The following ZNF106 variants were observed in gnomAD, a reference collection of about 807,000 sequenced individuals.
The protein encoded by ZNF106 is SH3-domain binding protein 3.
ZNF106 carries 67 observed loss-of-function variants against 195.1 expected under a neutral mutation model. The observed-to-expected ratio is 0.34, with a 90% confidence interval of 0.28 to 0.42. ZNF106 has a LOEUF of 0.42. Ranked by LOEUF, ZNF106 falls within the 10% of genes least tolerant of loss-of-function variation. The probability of loss-of-function intolerance (pLI) is 1.00; values close to 1 mark genes in which losing one functional copy is unlikely to be tolerated. For missense variants in ZNF106, 2,118 were observed against 2,304.5 expected (o/e 0.92, Z 1.66); for synonymous variants, 784 against 818.6 (o/e 0.96, Z 0.72).
intron 15 of ZNF106, among the ~76,000 whole-genome samples, chr15:42,427,357 G>T (rs1230584514): frequency 6.6e-6 from 1 of 152,108 alleles, no homozygotes; most frequent in Admixed American, 6.6e-5. Context: ...AGCACACAGG[G>T]CCATCAAAAA....
chr15:42,450,170 T>G lies in ZNF106; in HGVS notation c.2102A>C (p.Gln701Pro), dbSNP rs769904250. The change falls in exon 5 of 22, where the codon CAG becomes CCG. Residue 701 changes from glutamine to proline, a missense_variant. Physicochemically the swap from Gln to Pro is moderately conservative, Grantham distance 76. Transcript: ENST00000564754. ...ATGAGATTTAATAGAGTCATCAACC[T>G]GTGCATCTTCTAGAGAGGTTTTCAA... ...LDLKTSLEDA[Q>P]VDDSIKSHVS... is the part of the protein sequence containing the mutation. The G allele has an allele frequency of 6.2e-7, 1 of 1,614,084 alleles. No individual in the cohort carries two copies. Among genetic ancestry groups the G allele is most frequent in the African/African-American group, 1.3e-5 (1 of 74,934 alleles).
intron 4 of ZNF106, among the ~76,000 whole-genome samples, chr15:42,453,102 G>C (rs2056107130): frequency 1.3e-5 from 2 of 152,078 alleles, no homozygotes; most frequent in South Asian, 4.1e-4. Flanking sequence ...TTTTAAATAA[G>C]ATGATACTTT....
chr15:42,460,737 G>A (rs1356490505), intron 3 of ZNF106, among the ~76,000 whole-genome samples: 1 of 152,060 alleles, frequency 6.6e-6, no homozygotes, highest in African/African-American at 2.4e-5. Context: ...GCGCATGCCT[G>A]TAATCCCAAC....
chr15:42,431,976 G>A (rs2141290016), intron 14 of ZNF106, among the ~76,000 whole-genome samples: 1 of 152,284 alleles, frequency 6.6e-6, no homozygotes, highest in East Asian at 1.9e-4. Context: ...CAATTATTGA[G>A]AAAGGGTTGT....
In ZNF106 at chr15:42,442,422, G is replaced by C; in HGVS notation, c.3422-8C>G. Reference sequence around the variant, plus strand: ...CAGAAGGTTCATATGTTTCTAGAATGGGAAACATACATACATAGAAATGCA... The same window carrying C: ...CAGAAGGTTCATATGTTTCTAGAATCGGAAACATACATACATAGAAATGCA... On this transcript the variant is annotated splice_polypyrimidine_tract_variant and splice_region_variant and intron_variant, in intron 9 of 21. Transcript: ENST00000564754. The C allele has an allele frequency of 6.3e-7, 1 of 1,596,030 alleles. No individual in the cohort carries two copies.
At position 42,451,504 on chromosome 15, in the gene ZNF106, A is replaced by G; in HGVS notation, c.768T>C (p.Asn256=). 1.2e-6 allele frequency: 2 copies of G among 1,614,214 alleles called. No individual in the cohort carries two copies. Among genetic ancestry groups the G allele is most frequent in the Non-Finnish European group, 1.7e-6 (2 of 1,180,036 alleles). ...CTCCAGGGCCACTGTAATTCCAATT[A>G]TTTGTACTACGTACACTGGATTTCC... ...GNWKSSVRST[N]NWNYSGPGDK... The change falls in exon 5 of 22, where the codon AAT becomes AAC. Residue 256 remains asparagine (N), a synonymous_variant. Transcript: ENST00000564754.
At chr15:42,435,594 G>C in intron 13 of ZNF106, 76 bp from the exon 14 acceptor site, 1 of 1,570,788 alleles carries the variant, frequency 6.4e-7, no homozygotes, top group South Asian at 1.1e-5. Flanking sequence ...TCAACAAAAA[G>C]ATGCTAAAAC....
Position 42,444,996 on chromosome 15 carries a change from C to T in ZNF106, c.3206-15G>A, listed in dbSNP as rs1414449073. ...CTGAGAACGTTCTGCCAAAAGAAAT[C>T]ATAAGGTTCAGGTTAATACGAGAGA... On this transcript the variant is annotated splice_polypyrimidine_tract_variant and intron_variant, in intron 7 of 21. Coordinates refer to ENST00000564754, the MANE Select transcript of ZNF106 (RefSeq NM_001366845.3). 1 of 1,613,626 alleles carries T rather than the reference C, an allele frequency of 6.2e-7. No homozygotes were observed. Among genetic ancestry groups the T allele is most frequent in the East Asian group, 2.2e-5 (1 of 44,900 alleles).
At position 42,450,925 on chromosome 15, in the gene ZNF106, G is replaced by T. The variant is rs1015123773; in HGVS notation, c.1347C>A (p.Phe449Leu). 1 of 1,614,036 alleles carries T rather than the reference G, an allele frequency of 6.2e-7. No individual in the cohort carries two copies. The highest frequency in any genetic ancestry group is 1.7e-5 in the Admixed American group (1 of 59,984). The change falls in exon 5 of 22, where the codon TTC (phenylalanine) becomes TTA (leucine). Residue 449 changes from phenylalanine (F) to leucine (L), a missense_variant. Coordinates refer to ENST00000564754, the MANE Select transcript of ZNF106 (RefSeq NM_001366845.3). Reference protein sequence around the residue: ...HKASSDSAASFEVVRQCPTAE... With the variant: ...HKASSDSAASLEVVRQCPTAE... ...CAGTGGGGCACTGTCTCACCACCTC[G>T]AAGGAAGCAGCGGAATCAGAAGAGG...
intron 12 of ZNF106, among the ~76,000 whole-genome samples, chr15:42,437,902 C>CAAAAAAAAA (rs35756160): frequency 1.2e-5 from 1 of 81,082 alleles, no homozygotes; most frequent in Non-Finnish European, 2.5e-5. Context: ...GACTCCGTCT[C>CAAAAAAAAA]AAAAAAAAAA....
At position 42,449,905 on chromosome 15, in the gene ZNF106, A is replaced by G. The variant is rs201375865; in HGVS notation, c.2367T>C (p.Ser789=). ...TGAGCCCAGACTCCTTCTCTGTCTC[A>G]CTCTTTCGGTGACCGCTAATATTGC... is the stretch of plus-strand genomic sequence containing the variant. ...RIRNISGHRK[S]ETEKESGLKP... The change falls in exon 5 of 22, where the codon AGT becomes AGC. Residue 789 remains serine, a synonymous_variant. Coordinates refer to ENST00000564754, the MANE Select transcript of ZNF106 (RefSeq NM_001366845.3). 73 of 1,613,780 alleles carry G rather than the reference A, an allele frequency of 4.5e-5. No homozygotes were observed. The African/African-American group carries it at 8.7e-4, about 19-fold the overall frequency.
rs963126932 is a variant in ZNF106 at position 42,437,214 on chromosome 15, C to T, written c.4746+18G>A. 2.5e-6 allele frequency: 4 copies of T among 1,601,082 alleles called. No individual in the cohort carries two copies. The highest frequency in any genetic ancestry group is 3.4e-6 in the Non-Finnish European group (4 of 1,174,156). ...AAAACCTGCAACCAAAAACATTCTACATGTTCTATCAACTTACCACCAGAT... is the reference window on the plus strand; with the variant it reads ...AAAACCTGCAACCAAAAACATTCTATATGTTCTATCAACTTACCACCAGAT... On this transcript the variant is annotated intron_variant, in intron 13 of 21. Coordinates refer to ENST00000564754, the MANE Select transcript of ZNF106 (RefSeq NM_001366845.3).
At chr15:42,480,384 C>A (rs781061823) in intron 1 of ZNF106, among the ~76,000 whole-genome samples, 6 of 152,094 alleles carry the variant, frequency 3.9e-5, no homozygotes, top group Non-Finnish European at 7.4e-5. Flanking sequence ...GCTTCTTATG[C>A]TACTTTGTAT....
At chr15:42,445,375 C>G (rs915985658) in intron 7 of ZNF106, among the ~76,000 whole-genome samples, 1 of 152,244 alleles carries the variant, frequency 6.6e-6, no homozygotes. Flanking sequence ...AGACTGCTTG[C>G]ACTCTCTTTC....
chr15:42,449,660 T>A, intron 5 of ZNF106, 111 bp downstream of exon 5: 1 of 1,386,774 alleles, frequency 7.2e-7, no homozygotes, highest in Non-Finnish European at 9.8e-7. Context: ...ACAACAGATA[T>A]TGTTGGCAAA....
rs1475379851 is a variant in ZNF106 at position 42,442,166 on chromosome 15, G to A, written c.3670C>T (p.Gln1224Ter). 6.2e-7 allele frequency: 1 copy of A among 1,614,206 alleles called. No homozygotes were observed. Among genetic ancestry groups the A allele is most frequent in the South Asian group, 1.1e-5 (1 of 91,078 alleles). ...TCTTGTTCAGGAGACATGGGCTCTT[G>A]TTTAATCTGAACTGATGAGTCTGGA... is the stretch of plus-strand genomic sequence containing the variant. ...PAPDSSVQIK[Q>*]EPMSPEQDEN... The change falls in exon 10 of 22, where the codon CAA becomes TAA. Residue 1224 changes from glutamine to a stop codon, truncating the protein, a stop_gained. Coordinates refer to ENST00000564754, the MANE Select transcript of ZNF106 (RefSeq NM_001366845.3). LOFTEE classifies it high-confidence loss of function.
Position 42,416,102 on chromosome 15 carries a change from C to G in ZNF106, c.*1202G>C, listed in dbSNP as rs1412668431. ...CACTTCTACAGGTTTACTGATGAGT[C>G]CGGAGAAAATCCAAAAACAAAGCCC... On this transcript the variant is annotated 3_prime_UTR_variant, in exon 22 of 22. Transcript: ENST00000564754. The G allele has an allele frequency of 6.6e-6, 1 of 152,142 alleles. No homozygotes were observed. The highest frequency in any genetic ancestry group is 1.9e-4 in the East Asian group (1 of 5,178). 9.4% of individuals were successfully genotyped at this position (152,142 alleles called of 1,614,324 possible).
At chr15:42,468,744 A>G (rs2056592140) in intron 2 of ZNF106, among the ~76,000 whole-genome samples, 1 of 151,754 alleles carries the variant, frequency 6.6e-6, no homozygotes, top group Non-Finnish European at 1.5e-5. Flanking sequence ...TCCGTCTCAA[A>G]AAAAATAAAA....
chr15:42,432,424 G>A (rs1329896280), intron 14 of ZNF106, among the ~76,000 whole-genome samples: 2 of 152,132 alleles, frequency 1.3e-5, no homozygotes, highest in African/African-American at 2.4e-5. Flanking sequence ...CTCCCAAAGT[G>A]GGATACAGGC....
Sources: allele counts gnomAD v4.1 joint callset (sites outside exome capture counted in the v4.1 genomes callset), GRCh38; gene constraint gnomAD v4.1.1; transcripts MANE v1.5; gene names NCBI Gene and HGNC (gene_info 2026-07-23, HGNC 2026-07-21).